RNF17: variants seen among roughly 807,000 people sequenced by gnomAD.
RNF17 encodes ring finger protein 17.
In RNF17, 31 loss-of-function variants were observed where a neutral mutation model predicts 200.5. The observed-to-expected ratio is 0.15, with a 90% CI of 0.12 to 0.21. RNF17 has a LOEUF of 0.21. Among genes scored for constraint, RNF17 ranks in the 10% least tolerant of loss-of-function variants. The probability of loss-of-function intolerance (pLI) is 1.00; values close to 1 mark genes in which losing one functional copy is unlikely to be tolerated. For synonymous variants in RNF17, 606 were observed against 637.8 expected, an observed-to-expected ratio of 0.95 and a Z score of 0.75; for missense variants, 1,628 against 1,905.1, an observed-to-expected ratio of 0.85 and a Z score of 2.71.
the RNF17 span, among the ~76,000 whole-genome samples, chr13:24,753,541 C>T: frequency 6.6e-6 from 1 of 152,110 alleles, no homozygotes; most frequent in Non-Finnish European, 1.5e-5. Context: ...GGAAGAAAGG[C>T]AAGGAGTTGA....
the RNF17 span, among the ~76,000 whole-genome samples, chr13:24,887,410 A>G: frequency 6.6e-6 from 1 of 152,162 alleles, no homozygotes; most frequent in Non-Finnish European, 1.5e-5. Context: ...GCTCCCCATC[A>G]CTCGCATTAC....
intron 13 of RNF17, among the ~76,000 whole-genome samples, 197 bp from the exon 14 acceptor site, chr13:24,802,184 C>T (rs1486051732): frequency 6.6e-6 from 1 of 152,092 alleles, no homozygotes; most frequent in Non-Finnish European, 1.5e-5. Context: ...CAGGGTTTCA[C>T]CATCTTGGCC....
At chr13:24,827,492 A>G (rs1262242256) in intron 16 of RNF17, among the ~76,000 whole-genome samples, 2 of 151,990 alleles carry the variant, frequency 1.3e-5, no homozygotes, top group Non-Finnish European at 2.9e-5. Flanking sequence ...ATAAAATACT[A>G]TAGACTGGGT....
intron 15 of RNF17, among the ~76,000 whole-genome samples, chr13:24,815,567 C>G (rs1014902876): frequency 6.6e-6 from 1 of 151,642 alleles, no homozygotes; most frequent in South Asian, 2.1e-4. Context: ...TGCCTTTTGT[C>G]TTTTTACCTA....
rs914932252 is a variant in RNF17, at chr13:24,870,516, G to A, written c.4279-55G>A. The A allele has an allele frequency of 2.4e-5, 36 of 1,515,472 alleles. No individual in the cohort carries two copies. The East Asian group carries it at 3.9e-4, about 16-fold the overall frequency. 93.9% of individuals were successfully genotyped at this position (1,515,472 alleles called of 1,614,324 possible). A position where few individuals can be genotyped will look rare whatever the true frequency, so the allele number is the denominator to read the frequency against. On this transcript the variant is annotated intron_variant, in intron 31 of 35. Transcript: ENST00000255324. Reference sequence around the variant, plus strand: ...TGCTACAGTAATTTTGTCCACATACGTGAATTCTTGACATTCCAGAATCTG... The same window carrying A: ...TGCTACAGTAATTTTGTCCACATACATGAATTCTTGACATTCCAGAATCTG...
At chr13:24,850,275 T>G (rs976762255) in intron 22 of RNF17, 66 bp from the exon 23 acceptor site, 1 of 1,015,070 alleles carries the variant, frequency 9.9e-7, no homozygotes, top group Non-Finnish European at 1.5e-6. Context: ...AAATATAGTG[T>G]TTTTTGTATA....
rs543795906 is a variant in RNF17, at chr13:24,879,372, G to A, written c.*10+77G>A. ...TGCTAGATTGATCAGAAAAGCACCC[G>A]TGGATTTTCCTTGATTTCTCAAAGG... On this transcript the variant is annotated intron_variant, in intron 35 of 35. Transcript: ENST00000255324. The A allele has an allele frequency of 1.7e-5, 16 of 951,262 alleles. No homozygotes were observed. The Admixed American group carries it at 1.7e-4, about 10-fold the overall frequency. The allele number at this position is 951,262 out of a possible 1,614,324, so 58.9% of individuals were successfully genotyped here.
At chr13:24,852,396 C>T (rs1040585973) in intron 24 of RNF17, among the ~76,000 whole-genome samples, 1 of 152,086 alleles carries the variant, frequency 6.6e-6, no homozygotes, top group African/African-American at 2.4e-5. Flanking sequence ...CCTTGGCCTC[C>T]CAAAGTGCTG....
chr13:24,766,433 G>C (rs1333737738), intron 1 of RNF17, among the ~76,000 whole-genome samples: 6 of 152,192 alleles, frequency 3.9e-5, no homozygotes, highest in Non-Finnish European at 7.3e-5. Flanking sequence ...ATGATGTTAG[G>C]TTTTCAATCA....
chr13:24,842,537 G>C (rs1890748077), intron 19 of RNF17, among the ~76,000 whole-genome samples: 1 of 152,190 alleles, frequency 6.6e-6, no homozygotes, highest in South Asian at 2.1e-4. Context: ...TCCATTTGTA[G>C]AAATGTTGAT....
rs183093174 is a variant in RNF17, at chr13:24,797,266, A to T, written c.1399+971A>T. On this transcript the variant is annotated intron_variant, in intron 11 of 35. Transcript: ENST00000255324. ...GTGCTTTAAGTTGTTAATGATAATT[A>T]TGTTGGCAAAGTAAATACAGCTGAT... Among the ~76,000 whole-genome samples, 684 of 152,310 alleles carry T rather than the reference A, an allele frequency of 4.5e-3. 2 individuals carry two copies. The highest frequency in any genetic ancestry group is 6.3e-3 in the Non-Finnish European group (429 of 68,026).
At chr13:24,887,543 T>C in the RNF17 span, among the ~76,000 whole-genome samples, 5 of 152,322 alleles carry the variant, frequency 3.3e-5, no homozygotes, top group African/African-American at 7.2e-5. Flanking sequence ...ATCTAATGCC[T>C]GATGATCTGT....
At chr13:24,871,377 G>T (rs577803990) in intron 32 of RNF17, among the ~76,000 whole-genome samples, 25 of 152,078 alleles carry the variant, frequency 1.6e-4, no homozygotes, top group Non-Finnish European at 3.4e-4. Flanking sequence ...TCGTTTTGTC[G>T]CCCAAGCTGG....
chr13:24,881,848 A>ACATCTATATAGATG (rs1953835739), downstream of RNF17, among the ~76,000 whole-genome samples: 1 of 84,154 alleles, frequency 1.2e-5, no homozygotes, highest in Non-Finnish European at 2.6e-5. Flanking sequence ...ATATATAGAT[A>ACATCTATATAGATG]CATCTATATA....
chr13:24,822,251 C>T (rs1438749765), intron 15 of RNF17, among the ~76,000 whole-genome samples: 5 of 152,008 alleles, frequency 3.3e-5, no homozygotes, highest in African/African-American at 7.3e-5. Flanking sequence ...AGGATGGAGC[C>T]GCCATTTTGA....
At chr13:24,849,908 T>A (rs1297118553) in intron 22 of RNF17, among the ~76,000 whole-genome samples, 1 of 152,168 alleles carries the variant, frequency 6.6e-6, no homozygotes. Flanking sequence ...TATTAAATAT[T>A]TCTGGAATGG....
chr13:24,878,554 C>G (rs1282435338), intron 34 of RNF17, among the ~76,000 whole-genome samples: 2 of 152,136 alleles, frequency 1.3e-5, no homozygotes, highest in Admixed American at 6.5e-5. Flanking sequence ...GCTGCTAGTC[C>G]AAGGCCAAAG....
intron 34 of RNF17, among the ~76,000 whole-genome samples, chr13:24,878,031 C>T (rs1470453105): frequency 6.6e-6 from 1 of 152,198 alleles, no homozygotes; most frequent in Non-Finnish European, 1.5e-5. Flanking sequence ...AAATGGCAGT[C>T]AGCTGAAAGT....
chr13:24,788,509 G>A (rs980816748), intron 7 of RNF17, among the ~76,000 whole-genome samples: 1 of 152,042 alleles, frequency 6.6e-6, no homozygotes, highest in African/African-American at 2.4e-5. Context: ...ACAAATAAGG[G>A]TAGCAAACTG....
Sources: gnomAD v4.1 joint callset for allele counts (sites outside exome capture counted in the v4.1 genomes callset) on GRCh38, gnomAD v4.1.1 for gene constraint, MANE v1.5 for transcripts, NCBI Gene and HGNC (gene_info 2026-07-23, HGNC 2026-07-21) for gene names.